EIF2S1: variants seen among roughly 807,000 people sequenced by gnomAD.
EIF2S1 encodes eukaryotic translation initiation factor 2 subunit 1.
In EIF2S1, 5 loss-of-function variants were observed where a neutral mutation model predicts 33.5. That is an observed-to-expected ratio of 0.15 (90% CI 0.08 to 0.31). The LOEUF (loss-of-function observed/expected upper bound fraction) is 0.31. Among genes scored for constraint, EIF2S1 ranks in the 10% least tolerant of loss-of-function variants. The probability of loss-of-function intolerance (pLI) is 1.00; values close to 1 mark genes in which losing one functional copy is unlikely to be tolerated. For missense variants in EIF2S1, 191 were observed against 384.6 expected (o/e 0.50, Z 4.21); for synonymous variants, 99 against 127.5 (o/e 0.78, Z 1.51).
At chr14:67,366,517 T>C (rs2085780154) in intron 2 of EIF2S1, among the ~76,000 whole-genome samples, 1 of 152,208 alleles carries the variant, frequency 6.6e-6, no homozygotes, top group Non-Finnish European at 1.5e-5. Flanking sequence ...TGTATGGCAT[T>C]AACTAAAACC....
intron 4 of EIF2S1, among the ~76,000 whole-genome samples, chr14:67,379,865 G>A (rs570094192): frequency 3.3e-5 from 5 of 151,470 alleles, no homozygotes; most frequent in South Asian, 2.1e-4. Flanking sequence ...CGTTTTAGCC[G>A]GGATGGTCTC....
intron 3 of EIF2S1, among the ~76,000 whole-genome samples, chr14:67,376,213 C>T (rs546433693): frequency 3.9e-5 from 6 of 152,234 alleles, no homozygotes; most frequent in Admixed American, 3.9e-4. Flanking sequence ...GAGGAGGAAA[C>T]AAGTTCAGAG....
chr14:67,372,113 A>G (rs1461254914), intron 2 of EIF2S1, among the ~76,000 whole-genome samples: 1 of 151,974 alleles, frequency 6.6e-6, no homozygotes, highest in Non-Finnish European at 1.5e-5. Flanking sequence ...GTTATCTCTC[A>G]CTTCTTTTTA....
intron 3 of EIF2S1, 113 bp from the exon 4 acceptor site, chr14:67,376,326 T>C: frequency 9.5e-7 from 1 of 1,047,564 alleles, no homozygotes; most frequent in Non-Finnish European, 1.3e-6. Context: ...CCTATGGAGA[T>C]CTTTTATTGT....
At chr14:67,361,907 G>A (rs919225779) in intron 1 of EIF2S1, among the ~76,000 whole-genome samples, 1 of 151,106 alleles carries the variant, frequency 6.6e-6, no homozygotes, top group Non-Finnish European at 1.5e-5. Context: ...CACCTTTCCT[G>A]TTCATTGCTT....
At chr14:67,367,680 T>TA (rs1157954646) in intron 2 of EIF2S1, among the ~76,000 whole-genome samples, 4 of 142,068 alleles carry the variant, frequency 2.8e-5, no homozygotes, top group Non-Finnish European at 6.0e-5. Flanking sequence ...CTACAAAAAA[T>TA]ACAAAAATTA....
chr14:67,371,142 C>T (rs780496703), intron 2 of EIF2S1, among the ~76,000 whole-genome samples: 24 of 152,042 alleles, frequency 1.6e-4, no homozygotes, highest in Non-Finnish European at 2.8e-4. Flanking sequence ...AGGCCAGGCA[C>T]GGTGGCTCAC....
intron 3 of EIF2S1, among the ~76,000 whole-genome samples, chr14:67,375,000 T>C (rs1179406312): frequency 6.6e-6 from 1 of 152,212 alleles, no homozygotes; most frequent in Non-Finnish European, 1.5e-5. Flanking sequence ...TTATAAAATG[T>C]CTGTGAATCC....
intron 2 of EIF2S1, among the ~76,000 whole-genome samples, chr14:67,372,162 A>G (rs955480097): frequency 4.6e-5 from 7 of 152,226 alleles, no homozygotes; most frequent in African/African-American, 1.7e-4. Flanking sequence ...GTGCTTTTAT[A>G]TGATCAGTTA....
In EIF2S1 at chr14:67,374,371, G is replaced by A. The variant is rs1023525265; in HGVS notation, c.242-97G>A. The A allele has an allele frequency of 6.7e-6, 4 of 594,180 alleles. No individual in the cohort carries two copies. In the African/African-American group the frequency reaches 7.5e-5, roughly 11 times the overall value. 36.8% of individuals were successfully genotyped at this position (594,180 alleles called of 1,614,324 possible). On this transcript the variant is annotated intron_variant, in intron 2 of 7. Transcript: ENST00000256383. ...GGATTTTAGTAGGAAATAATTATAA[G>A]TATGCCAATCAAACACTTAATTTGG... is the stretch of plus-strand genomic sequence containing the variant.
Position 67,373,842 on chromosome 14 carries a change from AGTGTGTGTGT to A in EIF2S1, c.242-603_242-594del, listed in dbSNP as rs35163593. On this transcript the variant is annotated intron_variant, in intron 2 of 7. Transcript: ENST00000256383. ...TAGATTAGATAGTTTTAATTTGTTC[AGTGTGTGTGT>A]GTGTGTGTGTGTGTGTGTGTGTCTT... Among the ~76,000 whole-genome samples, 74 of 145,796 alleles carry A rather than the reference AGTGTGTGTGT, an allele frequency of 5.1e-4. 1 individual carries two copies. The highest frequency in any genetic ancestry group is 1.4e-3 in the African/African-American group (56 of 40,042).
Position 67,383,605 on chromosome 14 carries a change from A to C in EIF2S1, c.*165A>C. 1.0e-6 allele frequency: 1 copy of C among 966,486 alleles called. No homozygotes were observed. Among genetic ancestry groups the C allele is most frequent in the Non-Finnish European group, 1.5e-6 (1 of 657,550 alleles). The allele number at this position is 966,486 out of a possible 1,614,324, so 59.9% of individuals were successfully genotyped here. ...ATCAGAACATGAAATGCCCTCCTAA[A>C]TGTCAGCTGTTGTCACACAGTAGCT... On this transcript the variant is annotated 3_prime_UTR_variant, in exon 8 of 8. Transcript: ENST00000256383.
intron 7 of EIF2S1, 199 bp downstream of exon 7, chr14:67,382,789 T>C (rs2085894914): frequency 1.7e-6 from 1 of 585,906 alleles, no homozygotes; most frequent in South Asian, 2.2e-5. Flanking sequence ...GAAGTTTTTT[T>C]ATGGTTTGAA....
chr14:67,373,842 A>AGAGTGTGTGTGT (rs894023551), intron 2 of EIF2S1, among the ~76,000 whole-genome samples: 21 of 145,798 alleles, frequency 1.4e-4, no homozygotes, highest in African/African-American at 5.0e-4. Flanking sequence ...TAATTTGTTC[A>AGAGTGTGTGTGT]GTGTGTGTGT....
chr14:67,375,648 T>C (rs571180496), intron 3 of EIF2S1, among the ~76,000 whole-genome samples: 21 of 152,358 alleles, frequency 1.4e-4, no homozygotes, highest in Non-Finnish European at 2.6e-4. Context: ...GTTTTACTGA[T>C]GTATTTACAG....
chr14:67,376,069 A>T (rs1336182234), intron 3 of EIF2S1, among the ~76,000 whole-genome samples: 1 of 152,186 alleles, frequency 6.6e-6, no homozygotes, highest in East Asian at 1.9e-4. Flanking sequence ...TTTTATCGTG[A>T]TTCTCTCCTC....
At chr14:67,365,034 T>A in intron 2 of EIF2S1, 26 bp downstream of exon 2, 1 of 1,553,568 alleles carries the variant, frequency 6.4e-7, no homozygotes, top group Non-Finnish European at 8.7e-7. Context: ...ATCTGTAATA[T>A]AAATTTCAGA....
At chr14:67,365,053 G>T in intron 2 of EIF2S1, 45 bp downstream of exon 2, 12 of 1,502,122 alleles carry the variant, frequency 8.0e-6, no homozygotes, top group South Asian at 5.4e-5. Context: ...GATTTAAAAT[G>T]GTTTATTTAA....
At chr14:67,368,848 C>A (rs1172553232) in intron 2 of EIF2S1, among the ~76,000 whole-genome samples, 1 of 151,912 alleles carries the variant, frequency 6.6e-6, no homozygotes, top group Non-Finnish European at 1.5e-5. Context: ...CATAGTGAAA[C>A]TATCTCTAGA....
Sources: gnomAD v4.1 joint callset for allele counts (sites outside exome capture counted in the v4.1 genomes callset) on GRCh38, gnomAD v4.1.1 for gene constraint, MANE v1.5 for transcripts, NCBI Gene and HGNC (gene_info 2026-07-23, HGNC 2026-07-21) for gene names.